The following SLC38A2 variants were observed in gnomAD, a reference collection of about 807,000 sequenced individuals.
The protein encoded by SLC38A2 is sodium-coupled neutral amino acid symporter 2.
SLC38A2 carries 11 observed loss-of-function variants against 61.5 expected under a neutral mutation model. That is an observed-to-expected ratio of 0.18 (90% CI 0.11 to 0.30). The LOEUF (loss-of-function observed/expected upper bound fraction) is 0.30, where lower values mean the gene tolerates loss of function less well. SLC38A2 is among the 10% of genes least tolerant of loss of function. SLC38A2 has a pLI of 1.00. For missense variants in SLC38A2, 522 were observed against 600.4 expected, an observed-to-expected ratio of 0.87 and a Z score of 1.36; for synonymous variants, 217 against 212.5, an observed-to-expected ratio of 1.02 and a Z score of -0.18.
chr12:46,364,065 G>T (rs752216588), intron 10 of SLC38A2, 62 bp from the exon 11 acceptor site: 3 of 1,354,296 alleles, frequency 2.2e-6, no homozygotes, highest in Non-Finnish European at 3.0e-6. Context: ...TCACATTTCC[G>T]CAGCATATAT....
At chr12:46,371,915 G>A (rs950312956) in intron 1 of SLC38A2, among the ~76,000 whole-genome samples, 1 of 152,208 alleles carries the variant, frequency 6.6e-6, no homozygotes, top group East Asian at 1.9e-4. Flanking sequence ...CCTCTCTCGA[G>A]GGGGGCGAAC....
chr12:46,364,009 A>C lies in SLC38A2; in HGVS notation c.874-6T>G. ...ATTGGCACAGCATAGACAGTCTGAA[A>C]GAAAACGTAAAAATCTACTTAATCT... On this transcript the variant is annotated splice_polypyrimidine_tract_variant and splice_region_variant and intron_variant, in intron 10 of 15. Transcript: ENST00000256689. 1 of 1,600,200 alleles carries C rather than the reference A, an allele frequency of 6.2e-7. No homozygotes were observed. Among genetic ancestry groups the C allele is most frequent in the Non-Finnish European group, 8.5e-7 (1 of 1,174,994 alleles).
chr12:46,366,581 A>T (rs1294138148), intron 7 of SLC38A2, among the ~76,000 whole-genome samples: 1 of 152,186 alleles, frequency 6.6e-6, no homozygotes, highest in Non-Finnish European at 1.5e-5. Context: ...TATTAAAAAC[A>T]CCTATAACTT....
rs888885661 is a variant in SLC38A2 at position 46,359,977 on chromosome 12, G to A, written c.*1134C>T. 1 of 152,636 alleles carries A rather than the reference G, an allele frequency of 6.6e-6. No homozygotes were observed. Among genetic ancestry groups the A allele is most frequent in the Non-Finnish European group, 1.5e-5 (1 of 68,030 alleles). The allele number at this position is 152,636 out of a possible 1,614,324, so 9.5% of individuals were successfully genotyped here. On this transcript the variant is annotated 3_prime_UTR_variant, in exon 16 of 16. Coordinates refer to ENST00000256689, the MANE Select transcript of SLC38A2 (RefSeq NM_018976.5). ...ACCTGTGGATTAGACCTCTACTGTA[G>A]ACAAAACATGAACACAACTAAGCCA...
chr12:46,365,841 G>A (rs1301503315), intron 7 of SLC38A2, among the ~76,000 whole-genome samples: 3 of 152,042 alleles, frequency 2.0e-5, no homozygotes, highest in Admixed American at 6.5e-5. Context: ...AAAACATTAT[G>A]TATATCCTCT....
chr12:46,368,469 C>T (rs1465861670), intron 4 of SLC38A2, among the ~76,000 whole-genome samples: 1 of 152,150 alleles, frequency 6.6e-6, no homozygotes, highest in Non-Finnish European at 1.5e-5. Flanking sequence ...TAAGGGTTCT[C>T]CCTCATTCCA....
chr12:46,362,566 C>A lies in SLC38A2; in HGVS notation c.1252G>T (p.Val418Leu). Reference protein sequence around the residue: ...FSWWRHSLITVSILAFTNLLV... With the variant: ...FSWWRHSLITLSILAFTNLLV... ...AAATTGGTAAATGCCAAGATAGACA[C>A]TGTAATGAGACTATGACGCCACCAA... is the stretch of plus-strand genomic sequence containing the variant. Residue 418 changes from valine (V) to leucine (L), a missense_variant, in exon 14 of 16, where the codon GTG (valine) becomes TTG (leucine). By Grantham distance (32) the Val-to-Leu change is conservative. This residue lies in a region of SLC38A2 where 309 missense variants were observed against 343.9 expected (regional missense o/e 0.90). Coordinates refer to ENST00000256689, the MANE Select transcript of SLC38A2 (RefSeq NM_018976.5). 1 of 1,602,802 alleles carries A rather than the reference C, an allele frequency of 6.2e-7. No individual in the cohort carries two copies. The highest frequency in any genetic ancestry group is 8.5e-7 in the Non-Finnish European group (1 of 1,177,336).
chr12:46,362,762 C>A, intron 13 of SLC38A2, 124 bp from the exon 14 acceptor site: 2 of 1,101,550 alleles, frequency 1.8e-6, no homozygotes, highest in Non-Finnish European at 2.5e-6. Flanking sequence ...GTAACTATTT[C>A]TAAATAAAAC....
chr12:46,363,157 G>T lies in SLC38A2; in HGVS notation c.1055-12C>A. On this transcript the variant is annotated splice_polypyrimidine_tract_variant and intron_variant, in intron 12 of 15. Transcript: ENST00000256689. ...TGACTCAACATGTTCTACAGGGAAA[G>T]ACCAAAAAAACTTTGATTGGCTGTT... 6.2e-7 allele frequency: 1 copy of T among 1,606,580 alleles called. No individual in the cohort carries two copies. The highest frequency in any genetic ancestry group is 1.1e-5 in the South Asian group (1 of 89,580).
intron 4 of SLC38A2, among the ~76,000 whole-genome samples, chr12:46,369,457 T>C (rs147829298): frequency 1.3e-5 from 2 of 152,300 alleles, no homozygotes; most frequent in African/African-American, 4.8e-5. Flanking sequence ...GAACATTCTA[T>C]CGTGCTGGAG....
chr12:46,372,426 C>T (rs1381324110), intron 1 of SLC38A2, 83 bp downstream of exon 1: 3 of 354,100 alleles, frequency 8.5e-6, no homozygotes, highest in Non-Finnish European at 1.5e-5. Context: ...GCCGCCTTCC[C>T]GCGCGGCCCC....
intron 7 of SLC38A2, among the ~76,000 whole-genome samples, chr12:46,366,192 T>C (rs1379892896): frequency 1.3e-5 from 2 of 152,190 alleles, no homozygotes; most frequent in African/African-American, 4.8e-5. Context: ...ATGTTGAGTA[T>C]CCCTTATTCA....
In SLC38A2 at chr12:46,362,690, T is replaced by G. The variant is rs1161444865; in HGVS notation, c.1180-52A>C. The G allele has an allele frequency of 2.0e-6, 3 of 1,522,510 alleles. No homozygotes were observed. The East Asian group carries it at 7.6e-5, about 38-fold the overall frequency. 94.3% of individuals were successfully genotyped at this position (1,522,510 alleles called of 1,614,324 possible). On this transcript the variant is annotated intron_variant, in intron 13 of 15. Coordinates refer to ENST00000256689, the MANE Select transcript of SLC38A2 (RefSeq NM_018976.5). Reference sequence around the variant, plus strand: ...TTTAAAAATAGCAGCAATATAAAATTTAAAAATCCAGCTTCAATGAATGAA... The same window carrying G: ...TTTAAAAATAGCAGCAATATAAAATGTAAAAATCCAGCTTCAATGAATGAA...
intron 4 of SLC38A2, chr12:46,367,541 C>T (rs1873793): frequency 0.53 from 313,996 of 591,788 alleles, 84,087 homozygotes; most frequent in Middle Eastern, 0.58. Context: ...TGCATCATTT[C>T]TCAGGTGATA....
rs546198315 is a variant in SLC38A2, at chr12:46,358,364, CCATTACACTAGATCACATTTTATTT to C, written c.*2722_*2746del. The C allele has an allele frequency of 2.0e-3, 301 of 152,632 alleles. No homozygotes were observed. The highest frequency in any genetic ancestry group is 2.7e-3 in the Non-Finnish European group (186 of 68,012). The allele number at this position is 152,632 out of a possible 1,614,324, so 9.5% of individuals were successfully genotyped here. A position where few individuals can be genotyped will look rare whatever the true frequency, so the allele number is the denominator to read the frequency against. On this transcript the variant is annotated 3_prime_UTR_variant, in exon 16 of 16. Transcript: ENST00000256689. ...ATACACCCAGGTTCTCAAAGGTCTT[CCATTACACTAGATCACATTTTATTT>C]CATTACACTAGATCACATTTTGATT...
chr12:46,364,258 C>T, intron 10 of SLC38A2, 131 bp downstream of exon 10: 2 of 1,022,092 alleles, frequency 2.0e-6, no homozygotes, highest in African/African-American at 1.6e-5. Context: ...TCTTCACAGT[C>T]CTCAATAATT....
chr12:46,361,703 C>T (rs1250537531), intron 15 of SLC38A2: 1 of 158,210 alleles, frequency 6.3e-6, no homozygotes, highest in African/African-American at 2.4e-5. Context: ...TTAATCAGAG[C>T]AGAATGAAGG....
Position 46,359,537 on chromosome 12 carries a change from G to C in SLC38A2, c.*1574C>G, listed in dbSNP as rs1943058916. 1 of 152,608 alleles carries C rather than the reference G, an allele frequency of 6.6e-6. No homozygotes were observed. The highest frequency in any genetic ancestry group is 1.5e-5 in the Non-Finnish European group (1 of 68,022). 9.5% of individuals were successfully genotyped at this position (152,608 alleles called of 1,614,324 possible). A position where few individuals can be genotyped will look rare whatever the true frequency, so the allele number is the denominator to read the frequency against. ...AGTTCAAGGGCAAACCTTACAGCCA[G>C]ATGACCAATTGACAATTCCATTATT... On this transcript the variant is annotated 3_prime_UTR_variant, in exon 16 of 16. Transcript: ENST00000256689.
At chr12:46,364,972 T>C in intron 8 of SLC38A2, 135 bp downstream of exon 8, 1 of 847,500 alleles carries the variant, frequency 1.2e-6, no homozygotes, top group Non-Finnish European at 1.9e-6. Context: ...TCCTAAATTT[T>C]GCATGCTGTA....
Sources: allele counts gnomAD v4.1 joint callset (sites outside exome capture counted in the v4.1 genomes callset), GRCh38; gene constraint gnomAD v4.1.1; regional missense constraint gnomAD v4.1.1; transcripts MANE v1.5; gene names NCBI Gene and HGNC (gene_info 2026-07-23, HGNC 2026-07-21).